ROR2: variants seen among roughly 807,000 people sequenced by gnomAD.
ROR2 encodes tyrosine-protein kinase transmembrane receptor ROR2.
A neutral mutation model predicts 74.9 loss-of-function variants in ROR2; 33 were observed. The ratio of observed to expected loss-of-function variants is 0.44; its 90% CI spans 0.33 to 0.59. The LOEUF is 0.59. Ranked by LOEUF, ROR2 falls within the 20% of genes least tolerant of loss-of-function variation. The pLI, the probability that ROR2 is intolerant of heterozygous loss-of-function variation, is 0.02. For synonymous variants in ROR2, 586 were observed against 558.7 expected, an observed-to-expected ratio of 1.05 and a Z score of -0.69; for missense variants, 1,216 against 1,313.8, an observed-to-expected ratio of 0.93 and a Z score of 1.15.
chr9:91,839,271 T>TGTGTGTGTGTGTGTGTGTAAGTACAGGC (rs1563991802), intron 1 of ROR2, among the ~76,000 whole-genome samples: 2 of 133,082 alleles, frequency 1.5e-5, no homozygotes, highest in African/African-American at 7.0e-5. Flanking sequence ...TGTGTGTGTG[T>TGTGTGTGTGTGTGTGTGTAAGTACAGGC]GTGTGTGTGT....
At chr9:91,870,330 G>A (rs74818450) in intron 1 of ROR2, among the ~76,000 whole-genome samples, 170 of 152,212 alleles carry the variant, frequency 1.1e-3, no homozygotes, top group African/African-American at 3.7e-3. Context: ...CTGTATTTTA[G>A]AACCAAGGAA....
At chr9:91,841,336 T>G (rs1352992313) in intron 1 of ROR2, among the ~76,000 whole-genome samples, 1 of 152,184 alleles carries the variant, frequency 6.6e-6, no homozygotes, top group Admixed American at 6.5e-5. Flanking sequence ...GTCCCTCTTC[T>G]AAGCTGCCAC....
chr9:91,798,920 G>A (rs1014114492), intron 1 of ROR2, among the ~76,000 whole-genome samples: 3 of 152,122 alleles, frequency 2.0e-5, no homozygotes, highest in East Asian at 1.9e-4. Context: ...CAGCAGAGAC[G>A]CTCTGACCCT....
At chr9:91,871,083 G>A (rs902938729) in intron 1 of ROR2, among the ~76,000 whole-genome samples, 7 of 152,178 alleles carry the variant, frequency 4.6e-5, no homozygotes, top group East Asian at 1.9e-4. Flanking sequence ...AGAAACCCTC[G>A]GTTATTTTAA....
chr9:91,927,161 G>A (rs550277648), intron 1 of ROR2, among the ~76,000 whole-genome samples: 4 of 152,282 alleles, frequency 2.6e-5, no homozygotes, highest in South Asian at 2.1e-4. Context: ...TTTTCAGACC[G>A]TAAGTCTTTC....
chr9:91,826,871 G>A (rs1259433920), intron 1 of ROR2, among the ~76,000 whole-genome samples: 1 of 152,070 alleles, frequency 6.6e-6, no homozygotes, highest in Non-Finnish European at 1.5e-5. Flanking sequence ...TTTGAGAAGG[G>A]GAGACTCTGA....
intron 1 of ROR2, among the ~76,000 whole-genome samples, chr9:91,943,610 TC>T (rs1831935986): frequency 2.6e-5 from 4 of 152,242 alleles, no homozygotes; most frequent in Admixed American, 2.6e-4. Context: ...ACTATGAAAA[TC>T]AAACCTACTA....
At chr9:91,771,255 C>CAGGA (rs1377376772) in intron 2 of ROR2, among the ~76,000 whole-genome samples, 1 of 152,236 alleles carries the variant, frequency 6.6e-6, no homozygotes, top group Non-Finnish European at 1.5e-5. Context: ...TGAGCCAGAA[C>CAGGA]AGGAGGCCAG....
chr9:91,811,942 G>A (rs947688761), intron 1 of ROR2, among the ~76,000 whole-genome samples: 2 of 152,118 alleles, frequency 1.3e-5, no homozygotes, highest in African/African-American at 4.8e-5. Flanking sequence ...ACTCTGGTTT[G>A]GTCTTAGTCA....
chr9:91,860,971 T>C (rs1473822382), intron 1 of ROR2, among the ~76,000 whole-genome samples: 1 of 152,102 alleles, frequency 6.6e-6, no homozygotes, highest in South Asian at 2.1e-4. Context: ...CAATAAACGA[T>C]GTGAAAATGA....
chr9:91,803,434 T>C (rs1181225132), intron 1 of ROR2, among the ~76,000 whole-genome samples: 1 of 152,234 alleles, frequency 6.6e-6, no homozygotes, highest in Non-Finnish European at 1.5e-5. Context: ...GTTTCTGCTA[T>C]GCAGGATGAA....
intron 1 of ROR2, among the ~76,000 whole-genome samples, chr9:91,933,706 A>G (rs1315315807): frequency 6.6e-6 from 1 of 152,246 alleles, no homozygotes; most frequent in African/African-American, 2.4e-5. Flanking sequence ...TGAACCTTGA[A>G]AACATTATGC....
chr9:91,783,963 G>A (rs1042381548), intron 1 of ROR2, among the ~76,000 whole-genome samples: 2 of 152,076 alleles, frequency 1.3e-5, no homozygotes, highest in Non-Finnish European at 2.9e-5. Flanking sequence ...GACTCCTTGA[G>A]GGCTTGCTTT....
Position 91,922,749 on chromosome 9 carries a change from G to A in ROR2, c.97+27118C>T, listed in dbSNP as rs886633683. Among the ~76,000 whole-genome samples the A allele has an allele frequency of 4.6e-5, 7 of 152,166 alleles. No homozygotes were observed. The East Asian group carries it at 7.8e-4, about 17-fold the overall frequency. ...ATTACAGGCAGGAGCCACCGCGCCC[G>A]ACCAAGAATATTTTTTAAAACTATT... On this transcript the variant is annotated intron_variant, in intron 1 of 8. Transcript: ENST00000375708.
At chr9:91,911,808 C>G (rs1407591783) in intron 1 of ROR2, among the ~76,000 whole-genome samples, 1 of 151,980 alleles carries the variant, frequency 6.6e-6, no homozygotes, top group Non-Finnish European at 1.5e-5. Context: ...TGGCAGATAG[C>G]TCCTTAACCC....
chr9:91,731,787 C>T (rs527867398), intron 6 of ROR2, among the ~76,000 whole-genome samples: 4 of 152,206 alleles, frequency 2.6e-5, no homozygotes, highest in South Asian at 2.1e-4. Context: ...TGGTAACGCA[C>T]GCCTGTAGTC....
chr9:91,945,475 C>T (rs544681793), intron 1 of ROR2, among the ~76,000 whole-genome samples: 5 of 152,320 alleles, frequency 3.3e-5, no homozygotes, highest in Middle Eastern at 3.4e-3. Context: ...CTGATAACAT[C>T]TAGAAAGTGA....
chr9:91,760,585 G>C (rs1037106078), intron 2 of ROR2, among the ~76,000 whole-genome samples: 14 of 149,886 alleles, frequency 9.3e-5, no homozygotes, highest in African/African-American at 3.4e-4. Context: ...AGTGAGCCGA[G>C]ATCGCGCCAC....
intron 2 of ROR2, among the ~76,000 whole-genome samples, chr9:91,770,614 G>C (rs900865847): frequency 3.0e-4 from 45 of 152,350 alleles, no homozygotes; most frequent in African/African-American, 9.1e-4. Context: ...CCAGTCTGTA[G>C]ATTCAGAAAC....
Sources: allele counts gnomAD v4.1 joint callset (sites outside exome capture counted in the v4.1 genomes callset), GRCh38; gene constraint gnomAD v4.1.1; transcripts MANE v1.5; gene names NCBI Gene and HGNC (gene_info 2026-07-23, HGNC 2026-07-21).